SSBP3: variants seen among roughly 807,000 people sequenced by gnomAD.
SSBP3 encodes single stranded DNA binding protein 3.
In SSBP3, 5 loss-of-function variants were observed where a neutral mutation model predicts 69.6. The ratio of observed to expected loss-of-function variants is 0.07; its 90% CI spans 0.04 to 0.15. SSBP3 has a LOEUF of 0.15. Among genes scored for constraint, SSBP3 ranks in the 10% least tolerant of loss-of-function variants. The pLI is 1.00. For missense variants in SSBP3, 312 were observed against 534.0 expected, an observed-to-expected ratio of 0.58 and a Z score of 4.10; for synonymous variants, 196 against 193.4, an observed-to-expected ratio of 1.01 and a Z score of -0.11.
intron 14 of SSBP3, chr1:54,238,095 G>A (rs3766448): frequency 0.016 from 7,170 of 460,302 alleles, 94 homozygotes; most frequent in East Asian, 0.055. Flanking sequence ...TTAAAAGCCA[G>A]ATGGTTGGTC....
chr1:54,350,587 A>C lies in SSBP3; in HGVS notation c.276+51274T>G, dbSNP rs1485198105. Among the ~76,000 whole-genome samples, 3 of 152,110 alleles carry C rather than the reference A, an allele frequency of 2.0e-5. No homozygotes were observed. In the South Asian group the frequency reaches 6.2e-4, roughly 31 times the overall value. On this transcript the variant is annotated intron_variant, in intron 4 of 17. Coordinates refer to ENST00000610401, the Ensembl canonical transcript of SSBP3. ...GTGCACAACCCGGGTTTGGCTGAGG[A>C]GCTCAGCAGCAAGTAATTTTCTAAT...
intron 14 of SSBP3, among the ~76,000 whole-genome samples, chr1:54,235,808 T>TA (rs1644482176): frequency 6.6e-6 from 1 of 152,178 alleles, no homozygotes; most frequent in African/African-American, 2.4e-5. Flanking sequence ...AAAATTGTTA[T>TA]AAAAAATGAT....
chr1:54,253,008 C>T lies in SSBP3; in HGVS notation c.508-1148G>A, dbSNP rs189872340. ...TTGAGCTCAATAGTGAACTTCAAAC[C>T]GGTTTTGGAACGAGGTGGTGGAAAG... On this transcript the variant is annotated intron_variant, in intron 7 of 17. Transcript: ENST00000610401. Among the ~76,000 whole-genome samples, 241 of 152,124 alleles carry T rather than the reference C, an allele frequency of 1.6e-3. 1 individual carries two copies. Among genetic ancestry groups the T allele is most frequent in the African/African-American group, 5.3e-3 (221 of 41,496 alleles).
intron 4 of SSBP3, among the ~76,000 whole-genome samples, chr1:54,388,055 T>C (rs1648215783): frequency 6.6e-6 from 1 of 152,232 alleles, no homozygotes; most frequent in Admixed American, 6.5e-5. Flanking sequence ...TGTCACTGGC[T>C]TTTAAGCAAC....
intron 14 of SSBP3, among the ~76,000 whole-genome samples, chr1:54,231,059 A>G (rs1356236777): frequency 6.6e-6 from 1 of 152,188 alleles, no homozygotes; most frequent in Non-Finnish European, 1.5e-5. Flanking sequence ...TCATAGGGTA[A>G]CCCAATTACC....
intron 4 of SSBP3, among the ~76,000 whole-genome samples, chr1:54,345,469 C>A (rs1646674104): frequency 6.6e-6 from 1 of 152,154 alleles, no homozygotes; most frequent in African/African-American, 2.4e-5. Flanking sequence ...TTTCCCCACA[C>A]CTTCCTTCAG....
In SSBP3 at chr1:54,314,016, G is replaced by A. The variant is rs569112290; in HGVS notation, c.277-32489C>T. 1.2e-4 allele frequency among the ~76,000 whole-genome samples: 18 copies of A among 152,226 alleles called. No homozygotes were observed. In the South Asian group the frequency reaches 1.9e-3, roughly 16 times the overall value. ...TGACATCAGGTGATCCACCCGCCTC[G>A]GCCTCCCAAAGTGCTGGGATTACAG... On this transcript the variant is annotated intron_variant, in intron 4 of 17. Coordinates refer to ENST00000610401, the Ensembl canonical transcript of SSBP3.
chr1:54,316,172 C>G (rs527918681), intron 4 of SSBP3, among the ~76,000 whole-genome samples: 1 of 149,030 alleles, frequency 6.7e-6, no homozygotes, highest in African/African-American at 2.5e-5. Flanking sequence ...CAGTGAAACC[C>G]CAACTCTATT....
At chr1:54,260,581 C>A (rs896887831) in intron 5 of SSBP3, among the ~76,000 whole-genome samples, 5 of 152,252 alleles carry the variant, frequency 3.3e-5, no homozygotes, top group Non-Finnish European at 7.3e-5. Flanking sequence ...TCCTCTGCGC[C>A]TCCCTCAGAA....
intron 5 of SSBP3, among the ~76,000 whole-genome samples, chr1:54,263,658 C>G (rs1174161327): frequency 6.6e-6 from 1 of 152,226 alleles, no homozygotes; most frequent in African/African-American, 2.4e-5. Flanking sequence ...CTTTCCTGCT[C>G]CAGCCCTTCA....
rs534820620 is a variant in SSBP3, at chr1:54,343,702, T to A, written c.276+58159A>T. Among the ~76,000 whole-genome samples, 12 of 152,304 alleles carry A rather than the reference T, an allele frequency of 7.9e-5. No homozygotes were observed. In the South Asian group the frequency reaches 1.0e-3, roughly 13 times the overall value. Reference sequence around the variant, plus strand: ...CAGGTATCTACGGCCCCATAAAGGTTACAAACCATGGCTTCATATAACTAT... The same window carrying A: ...CAGGTATCTACGGCCCCATAAAGGTAACAAACCATGGCTTCATATAACTAT... On this transcript the variant is annotated intron_variant, in intron 4 of 17. Transcript: ENST00000610401.
At chr1:54,228,609 G>C (rs542007851) in intron 15 of SSBP3, 132 bp from the exon 16 acceptor site, 2 of 1,477,638 alleles carry the variant, frequency 1.4e-6, no homozygotes, top group East Asian at 4.9e-5. Context: ...CTTTCTGTGC[G>C]GCATCCCTCT....
chr1:54,347,964 T>C (rs982599050), intron 4 of SSBP3, among the ~76,000 whole-genome samples: 5 of 152,274 alleles, frequency 3.3e-5, no homozygotes, highest in Admixed American at 3.3e-4. Flanking sequence ...GGTCTGGAAA[T>C]CATTCACTCC....
At chr1:54,240,096 GCGCGTGTGCGTGCGCGCGCGCGCGCAA>G (rs1175651388) in intron 13 of SSBP3, among the ~76,000 whole-genome samples, 514 of 12,802 alleles carry the variant, frequency 0.04, 7 homozygotes, top group South Asian at 0.2. Flanking sequence ...GTGCGCGCGC[GCGCGTGTGCGTGCGCGCGCGCGCGCAA>G]CACATGCCCA....
intron 4 of SSBP3, among the ~76,000 whole-genome samples, chr1:54,337,484 G>GTTTTT (rs1203018944): frequency 1.3e-5 from 1 of 78,920 alleles, no homozygotes; most frequent in Non-Finnish European, 2.2e-5. Context: ...TTTTCCTCAA[G>GTTTTT]CTTTTTTTTT....
intron 4 of SSBP3, among the ~76,000 whole-genome samples, chr1:54,310,920 T>C (rs971499322): frequency 1.3e-5 from 2 of 152,220 alleles, no homozygotes; most frequent in Non-Finnish European, 2.9e-5. Flanking sequence ...TGAATGCTTT[T>C]GGGTCTGGGT....
At position 54,242,270 on chromosome 1, in the gene SSBP3, T is replaced by C. The variant is rs1570237186; in HGVS notation, c.717-58A>G. ...AAAAGGCGCTGTAAACTCCAAGCGG[T>C]GGAGGCAGCAGGGGCAGAAGGAAAG... On this transcript the variant is annotated intron_variant, in intron 10 of 17. Coordinates refer to ENST00000610401, the Ensembl canonical transcript of SSBP3. The C allele has an allele frequency of 2.5e-6, 4 of 1,601,066 alleles. No homozygotes were observed. The East Asian group carries it at 6.7e-5, about 27-fold the overall frequency.
intron 14 of SSBP3, among the ~76,000 whole-genome samples, chr1:54,232,861 A>G (rs1175405227): frequency 6.6e-6 from 1 of 152,160 alleles, no homozygotes; most frequent in Non-Finnish European, 1.5e-5. Flanking sequence ...GGGATTGCAG[A>G]CGGAGTCTCG....
intron 4 of SSBP3, among the ~76,000 whole-genome samples, chr1:54,354,092 T>C (rs1168942623): frequency 6.6e-6 from 1 of 152,144 alleles, no homozygotes; most frequent in Non-Finnish European, 1.5e-5. Context: ...CAACAAAAGA[T>C]GGGACTCCCA....
Sources: gnomAD v4.1 joint callset for allele counts (sites outside exome capture counted in the v4.1 genomes callset) on GRCh38, gnomAD v4.1.1 for gene constraint, MANE v1.5 for transcripts, NCBI Gene and HGNC (gene_info 2026-07-23, HGNC 2026-07-21) for gene names.